CACNA1C: variants seen among roughly 807,000 people sequenced by gnomAD.
CACNA1C encodes the protein voltage-dependent L-type calcium channel subunit alpha-1C.
CACNA1C carries 30 observed loss-of-function variants against 229.0 expected under a neutral mutation model. The observed-to-expected ratio is 0.13, with a 90% CI of 0.10 to 0.18. CACNA1C has a LOEUF of 0.18. Ranked by LOEUF, CACNA1C falls within the 10% of genes least tolerant of loss-of-function variation. CACNA1C has a pLI of 1.00. For missense variants in CACNA1C, 1,658 were observed against 2,845.0 expected (o/e 0.58, Z 9.49); for synonymous variants, 1,114 against 1,132.5 (o/e 0.98, Z 0.33).
At position 2,692,091 on chromosome 12, in the gene CACNA1C, A is replaced by T. The variant is rs946434634; in HGVS notation, c.*892A>T. ...ACATCGGGTTTGGTTTTCTTGTATT[A>T]TTTAAACGGTTGTGGTTTCCTTTTT... On this transcript the variant is annotated 3_prime_UTR_variant, in exon 47 of 47. Transcript: ENST00000399655. 2.0e-5 allele frequency: 3 copies of T among 152,100 alleles called. No homozygotes were observed. Among genetic ancestry groups the T allele is most frequent in the African/African-American group, 7.2e-5 (3 of 41,392 alleles). 9.4% of individuals were successfully genotyped at this position (152,100 alleles called of 1,614,324 possible).
intron 9 of CACNA1C, among the ~76,000 whole-genome samples, chr12:2,526,382 C>T (rs548278513): frequency 1.3e-5 from 2 of 152,326 alleles, no homozygotes; most frequent in Admixed American, 6.5e-5. Flanking sequence ...ACAGTGCTCC[C>T]GGATTCCGTT....
Position 2,230,186 on chromosome 12 carries a change from G to A in CACNA1C, c.477+109756G>A, listed in dbSNP as rs553693875. 2.6e-5 allele frequency among the ~76,000 whole-genome samples: 4 copies of A among 152,304 alleles called. No homozygotes were observed. The South Asian group carries it at 8.3e-4, about 32-fold the overall frequency. The stretch of plus-strand genomic sequence containing the variant: ...ACCTGGAGCCGCGGGCAGGCAGTGA[G>A]GGGCTGCTGCCGAGCTCCGCAGCCC... On this transcript the variant is annotated intron_variant, in intron 3 of 46. Transcript: ENST00000399655.
upstream of CACNA1C, chr12:2,052,915 CGGGCAG>C: frequency 1.1e-6 from 1 of 893,986 alleles, no homozygotes; most frequent in Non-Finnish European, 1.3e-6. Context: ...GCGGGCGGCG[CGGGCAG>C]GGGCGGGCGC....
intron 29 of CACNA1C, among the ~76,000 whole-genome samples, chr12:2,619,569 C>T (rs915187560): frequency 3.9e-5 from 6 of 152,262 alleles, no homozygotes; most frequent in Admixed American, 2.6e-4. Flanking sequence ...GTTGTGCAAG[C>T]ATCAACGACG....
chr12:2,679,640 C>CCAACGCCAACATCAA lies in CACNA1C; in HGVS notation c.5300_5314dup (p.Ile1767_Asn1771dup), dbSNP rs765818401. 3.1e-6 allele frequency: 5 copies of CCAACGCCAACATCAA among 1,613,784 alleles called. No individual in the cohort carries two copies. The highest frequency in any genetic ancestry group is 4.2e-6 in the Non-Finnish European group (5 of 1,179,858). The stretch of plus-strand genomic sequence containing the variant: ...CCGAGCAGCTACTCGTCCACCGGCT[C>CCAACGCCAACATCAA]CAACGCCAACATCAACAACGCCAAC... On this transcript the variant is annotated inframe_insertion, in exon 42 of 47. Transcript: ENST00000399655. The surrounding 1 kb of genome is among the most constrained non-coding windows in gnomAD (Gnocchi z 5.5).
At position 2,649,210 on chromosome 12, in the gene CACNA1C, G is replaced by A. The variant is rs216037; in HGVS notation, c.3945+703G>A. On this transcript the variant is annotated intron_variant, in intron 31 of 46. Coordinates refer to ENST00000399655, the MANE Select transcript of CACNA1C (RefSeq NM_000719.7). The surrounding 1 kb of genome is among the most constrained non-coding windows in gnomAD (Gnocchi z 4.4). ...CCTGTTGTAGGAGTCTCTGATTCGC[G>A]TTGGTTGAAGTGATAAAAGAGACGC... is the stretch of plus-strand genomic sequence containing the variant. Among the ~76,000 whole-genome samples, 9,618 of 152,240 alleles carry A rather than the reference G, an allele frequency of 0.063. 988 individuals carry two copies. Among genetic ancestry groups the A allele is most frequent in the African/African-American group, 0.22 (9,013 of 41,510 alleles).
chr12:2,497,806 G>C (rs1246007177), intron 7 of CACNA1C, among the ~76,000 whole-genome samples: 1 of 152,082 alleles, frequency 6.6e-6, no homozygotes, highest in Non-Finnish European at 1.5e-5. Context: ...GTCACAAATA[G>C]TGTGTTCTCT....
At chr12:2,508,127 G>C (rs1168972622) in intron 8 of CACNA1C, among the ~76,000 whole-genome samples, 2 of 152,258 alleles carry the variant, frequency 1.3e-5, no homozygotes, top group African/African-American at 4.8e-5. Flanking sequence ...TTGAAAGAGA[G>C]CAAAGCCACT....
chr12:2,100,162 G>A (rs987229822), intron 1 of CACNA1C, among the ~76,000 whole-genome samples: 2 of 152,166 alleles, frequency 1.3e-5, no homozygotes, highest in African/African-American at 4.8e-5. Flanking sequence ...AAATTGGATG[G>A]GGGCCGGGTG....
At chr12:2,085,263 C>G (rs2067146531) in intron 1 of CACNA1C, among the ~76,000 whole-genome samples, 2 of 152,154 alleles carry the variant, frequency 1.3e-5, no homozygotes, top group African/African-American at 4.8e-5. Context: ...GACTCTTCTA[C>G]TTCTCATTTT....
rs1310838572 is a variant in CACNA1C at position 2,397,830 on chromosome 12, G to A, written c.478-51146G>A. Among the ~76,000 whole-genome samples, 3 of 152,378 alleles carry A rather than the reference G, an allele frequency of 2.0e-5. No homozygotes were observed. The East Asian group carries it at 5.8e-4, about 29-fold the overall frequency. ...GCCTCTGATTTAGGGGTAGGGAGGG[G>A]CAGTCAGGAGAAAGCATAGTTAGCT... On this transcript the variant is annotated intron_variant, in intron 3 of 46. Transcript: ENST00000399655.
chr12:2,086,429 T>C (rs989849415), intron 1 of CACNA1C, among the ~76,000 whole-genome samples: 6 of 152,244 alleles, frequency 3.9e-5, no homozygotes, highest in Admixed American at 6.5e-5. Flanking sequence ...CCATATATGT[T>C]CCAAGTCATC....
At chr12:2,356,815 C>T (rs1380870314) in intron 3 of CACNA1C, among the ~76,000 whole-genome samples, 11 of 152,220 alleles carry the variant, frequency 7.2e-5, no homozygotes, top group African/African-American at 2.2e-4. Flanking sequence ...TGCATTGCTC[C>T]CCTCCCCTCC....
chr12:2,370,711 A>G (rs948910943), intron 3 of CACNA1C, among the ~76,000 whole-genome samples: 4 of 152,216 alleles, frequency 2.6e-5, no homozygotes, highest in Non-Finnish European at 4.4e-5. Flanking sequence ...TTAGTATTAG[A>G]AATGCTAAGT....
chr12:2,053,259 C>A lies in CACNA1C; in HGVS notation c.-304C>A. 9.3e-7 allele frequency: 1 copy of A among 1,075,440 alleles called. No individual in the cohort carries two copies. Among genetic ancestry groups the A allele is most frequent in the South Asian group, 4.0e-5 (1 of 24,968 alleles). The allele number at this position is 1,075,440 out of a possible 1,614,324, so 66.6% of individuals were successfully genotyped here. A position where few individuals can be genotyped will look rare whatever the true frequency, so the allele number is the denominator to read the frequency against. ...CCCTGCCTCTCCCGATTTATTTTTT[C>A]AAATGGTGTAGCCGCCGGAGGTGCG... On this transcript the variant is annotated 5_prime_UTR_variant, in exon 1 of 47. Coordinates refer to ENST00000399655, the MANE Select transcript of CACNA1C (RefSeq NM_000719.7). The surrounding 1 kb of genome is among the most constrained non-coding windows in gnomAD (Gnocchi z 5.8).
At chr12:2,078,544 A>G (rs2064128585) in intron 1 of CACNA1C, among the ~76,000 whole-genome samples, 1 of 152,238 alleles carries the variant, frequency 6.6e-6, no homozygotes. Context: ...AACTCTTAGA[A>G]GTAGAATTGT....
chr12:2,315,224 C>T (rs151043619), intron 3 of CACNA1C, among the ~76,000 whole-genome samples: 15 of 152,334 alleles, frequency 9.8e-5, no homozygotes, highest in African/African-American at 2.9e-4. Context: ...GCACCACAGA[C>T]GTGGCCTTTT....
rs2096889298 is a variant in CACNA1C, at chr12:2,677,607, G to A, written c.4957-126G>A. On this transcript the variant is annotated intron_variant, in intron 40 of 46. Coordinates refer to ENST00000399655, the MANE Select transcript of CACNA1C (RefSeq NM_000719.7). The surrounding 1 kb of genome is among the most constrained non-coding windows in gnomAD (Gnocchi z 7.4). ...TTCACACACACACAAACCTTCCGGA[G>A]GGTCGACTGGCTGGGTGGAGGATGC... 3.7e-6 allele frequency: 4 copies of A among 1,087,836 alleles called. No individual in the cohort carries two copies. Among genetic ancestry groups the A allele is most frequent in the Admixed American group, 2.1e-5 (1 of 47,482 alleles). The allele number at this position is 1,087,836 out of a possible 1,614,324, so 67.4% of individuals were successfully genotyped here. A position where few individuals can be genotyped will look rare whatever the true frequency, so the allele number is the denominator to read the frequency against.
intron 3 of CACNA1C, among the ~76,000 whole-genome samples, chr12:2,350,174 T>C (rs1469725182): frequency 6.6e-6 from 1 of 152,144 alleles, no homozygotes; most frequent in Non-Finnish European, 1.5e-5. Context: ...AACACTAGTG[T>C]GAGACCAGAG....
Sources: allele counts gnomAD v4.1 joint callset (sites outside exome capture counted in the v4.1 genomes callset), GRCh38; gene constraint gnomAD v4.1.1; non-coding constraint Gnocchi (gnomAD v3.1); transcripts MANE v1.5; gene names NCBI Gene and HGNC (gene_info 2026-07-23, HGNC 2026-07-21).